ZNF100: variants seen among roughly 807,000 people sequenced by gnomAD.
ZNF100 encodes the protein zinc finger protein 100 (Y1).
A neutral mutation model predicts 15.8 loss-of-function variants in ZNF100; 12 were observed. The observed-to-expected ratio is 0.76, with a 90% CI of 0.49 to 1.23. The LOEUF (loss-of-function observed/expected upper bound fraction) is 1.23, where lower values mean the gene tolerates loss of function less well. Among genes scored for constraint, ZNF100 ranks in the 50% most tolerant of loss-of-function variants. ZNF100 has a pLI of 0.00. For missense variants in ZNF100, 670 were observed against 635.6 expected, an observed-to-expected ratio of 1.05 and a Z score of -0.58; for synonymous variants, 226 against 214.8, an observed-to-expected ratio of 1.05 and a Z score of -0.45.
At chr19:21,743,823 A>G (rs1455913202) in intron 4 of ZNF100, among the ~76,000 whole-genome samples, 194 bp downstream of exon 4, 2 of 149,088 alleles carry the variant, frequency 1.3e-5, no homozygotes, top group Admixed American at 6.8e-5. Flanking sequence ...ATTTAAAAGC[A>G]TAAGACAGAA....
At chr19:21,747,374 A>T (rs1320922983) in intron 2 of ZNF100, among the ~76,000 whole-genome samples, 10 of 152,240 alleles carry the variant, frequency 6.6e-5, no homozygotes, top group Non-Finnish European at 1.5e-4. Context: ...CCAACTGGTC[A>T]TGTGATCTTA....
intron 1 of ZNF100, among the ~76,000 whole-genome samples, chr19:21,766,218 C>T (rs1484461587): frequency 6.6e-6 from 1 of 152,084 alleles, no homozygotes; most frequent in Non-Finnish European, 1.5e-5. Context: ...CATTTGGGAA[C>T]GCCAGAAGAA....
At chr19:21,747,150 C>T (rs1227699125) in intron 2 of ZNF100, among the ~76,000 whole-genome samples, 1 of 152,180 alleles carries the variant, frequency 6.6e-6, no homozygotes, top group Non-Finnish European at 1.5e-5. Context: ...ATATGGGCCA[C>T]ACTGCCCTGT....
rs115404177 is a variant in ZNF100, at chr19:21,763,836, G to A, written c.96+1858C>T. 4.6e-3 allele frequency among the ~76,000 whole-genome samples: 694 copies of A among 152,058 alleles called. 7 individuals carry two copies. Among genetic ancestry groups the A allele is most frequent in the African/African-American group, 0.016 (662 of 41,456 alleles). On this transcript the variant is annotated intron_variant, in intron 2 of 4. Coordinates refer to ENST00000358296, the MANE Select transcript of ZNF100 (RefSeq NM_173531.4). Reference sequence around the variant, plus strand: ...CTCCACTGTATGAAAGAAAGCCCTCGTCTGCCTAAACTTGGCAATTCTTAA... The same window carrying A: ...CTCCACTGTATGAAAGAAAGCCCTCATCTGCCTAAACTTGGCAATTCTTAA...
At chr19:21,766,358 A>T (rs1397178539) in intron 1 of ZNF100, among the ~76,000 whole-genome samples, 1 of 151,868 alleles carries the variant, frequency 6.6e-6, no homozygotes, top group African/African-American at 2.4e-5. Context: ...GTGGAGTGTG[A>T]AAATAATTAA....
At chr19:21,731,255 CA>C (rs577809682) in intron 4 of ZNF100, among the ~76,000 whole-genome samples, 1 of 129,236 alleles carries the variant, frequency 7.7e-6, no homozygotes, top group Non-Finnish European at 1.6e-5. Context: ...ATAATTATTG[CA>C]GCATTTTTTA....
In ZNF100 at chr19:21,767,510, C is replaced by A; in HGVS notation, c.-81G>T. 1 of 1,596,076 alleles carries A rather than the reference C, an allele frequency of 6.3e-7. No individual in the cohort carries two copies. The highest frequency in any genetic ancestry group is 8.6e-7 in the Non-Finnish European group (1 of 1,168,290). On this transcript the variant is annotated 5_prime_UTR_variant, in exon 1 of 5. Coordinates refer to ENST00000358296, the MANE Select transcript of ZNF100 (RefSeq NM_173531.4). Reference sequence around the variant, plus strand: ...GGTCAGAGGGCCACACAGGCTAGGCCCCTAGGAGCAGAAGACACAGAGAAG... The same window carrying A: ...GGTCAGAGGGCCACACAGGCTAGGCACCTAGGAGCAGAAGACACAGAGAAG...
rs1317033540 is a variant in ZNF100, at chr19:21,723,282, C to A, written c.*3401G>T. The A allele has an allele frequency of 1.3e-5, 2 of 149,954 alleles. No individual in the cohort carries two copies. Among genetic ancestry groups the A allele is most frequent in the African/African-American group, 4.9e-5 (2 of 40,698 alleles). 9.3% of individuals were successfully genotyped at this position (149,954 alleles called of 1,614,324 possible). On this transcript the variant is annotated 3_prime_UTR_variant, in exon 5 of 5. Transcript: ENST00000358296. The stretch of plus-strand genomic sequence containing the variant: ...GGCTGAGGCAGGATAATTGCTTGAA[C>A]CTGGAAGGCAGAGGTTGCAGTGAGC...
intron 4 of ZNF100, among the ~76,000 whole-genome samples, chr19:21,738,285 A>C (rs369816193): frequency 2.2e-4 from 27 of 120,912 alleles, no homozygotes; most frequent in Admixed American, 1.7e-3. Context: ...AAAAAAAAAA[A>C]AAAAACTGAT....
chr19:21,738,387 G>A (rs1215991907), intron 4 of ZNF100, among the ~76,000 whole-genome samples: 3 of 151,194 alleles, frequency 2.0e-5, no homozygotes, highest in African/African-American at 7.3e-5. Context: ...CAAAGCTGGA[G>A]GCATCATGCT....
intron 4 of ZNF100, among the ~76,000 whole-genome samples, chr19:21,737,273 C>A (rs1311217033): frequency 2.0e-5 from 3 of 151,950 alleles, no homozygotes; most frequent in African/African-American, 7.3e-5. Flanking sequence ...TGCCTGTAAT[C>A]CCAGCACTTT....
chr19:21,759,150 G>C (rs550893917), intron 2 of ZNF100, among the ~76,000 whole-genome samples: 1 of 152,224 alleles, frequency 6.6e-6, no homozygotes, highest in East Asian at 1.9e-4. Context: ...ATGTTTCTGG[G>C]CTACTGTTTA....
intron 4 of ZNF100, among the ~76,000 whole-genome samples, chr19:21,742,803 G>A (rs966711835): frequency 4.0e-5 from 6 of 151,780 alleles, no homozygotes; most frequent in African/African-American, 1.5e-4. Context: ...TAACATACAA[G>A]TATAAACTAC....
At chr19:21,756,347 A>AT (rs1234699714) in intron 2 of ZNF100, among the ~76,000 whole-genome samples, 12 of 152,200 alleles carry the variant, frequency 7.9e-5, no homozygotes, top group Non-Finnish European at 1.6e-4. Context: ...TCGACATAGA[A>AT]TTGGTACAGT....
At position 21,727,243 on chromosome 19, in the gene ZNF100, A is replaced by C; in HGVS notation, c.1069T>G (p.Ser357Ala). 1 of 1,613,614 alleles carries C rather than the reference A, an allele frequency of 6.2e-7. No homozygotes were observed. Among genetic ancestry groups the C allele is most frequent in the Non-Finnish European group, 8.5e-7 (1 of 1,179,910 alleles). The change falls in exon 5 of 5, where the codon TCC becomes GCC. Residue 357 changes from serine to alanine, a missense_variant. Physicochemically the swap from Ser to Ala is moderately conservative, Grantham distance 99. Transcript: ENST00000358296. The stretch of plus-strand genomic sequence containing the variant: ...ATCTTATGTGTAGTAAGGGTTGAGG[A>C]CTGGTTAAAGGCTTTGCCACATTCT... ...CEECGKAFNQ[S>A]STLTTHKITH...
At position 21,723,858 on chromosome 19, in the gene ZNF100, TAA is replaced by T. The variant is rs2035725043; in HGVS notation, c.*2823_*2824del. On this transcript the variant is annotated 3_prime_UTR_variant, in exon 5 of 5. Transcript: ENST00000358296. ...TAAATAAATTTACTTATGTCAACTA[TAA>T]AAAGTGAAAAGAAAAATAACTAAAG... is the stretch of plus-strand genomic sequence containing the variant. 6.6e-6 allele frequency: 1 copy of T among 152,088 alleles called. No homozygotes were observed. The highest frequency in any genetic ancestry group is 1.5e-5 in the Non-Finnish European group (1 of 68,000). The allele number at this position is 152,088 out of a possible 1,614,324, so 9.4% of individuals were successfully genotyped here.
chr19:21,740,092 A>G (rs914562321), intron 4 of ZNF100, among the ~76,000 whole-genome samples: 1 of 152,220 alleles, frequency 6.6e-6, no homozygotes. Flanking sequence ...TAAAAGCTAC[A>G]ATAACAAAAA....
intron 2 of ZNF100, among the ~76,000 whole-genome samples, chr19:21,747,977 T>TAA (rs11381850): frequency 3.3e-5 from 5 of 151,918 alleles, no homozygotes; most frequent in South Asian, 2.1e-4. Flanking sequence ...ATTGATTTTT[T>TAA]AAAAAAATGT....
At chr19:21,743,555 T>C (rs1369016128) in intron 4 of ZNF100, among the ~76,000 whole-genome samples, 1 of 151,950 alleles carries the variant, frequency 6.6e-6, no homozygotes, top group South Asian at 2.1e-4. Context: ...AAAAACAGGA[T>C]GGAATGTGCA....
Sources: gnomAD v4.1 joint callset for allele counts (sites outside exome capture counted in the v4.1 genomes callset) on GRCh38, gnomAD v4.1.1 for gene constraint, MANE v1.5 for transcripts, NCBI Gene and HGNC (gene_info 2026-07-23, HGNC 2026-07-21) for gene names.